The following DEPTOR variants were observed in gnomAD, a reference collection of about 807,000 sequenced individuals.
DEPTOR encodes the protein DEP domain containing MTOR interacting protein, also known as DEP domain-containing mTOR-interacting protein.
In DEPTOR, 41 loss-of-function variants were observed where a neutral mutation model predicts 41.6. The observed-to-expected ratio is 0.98, with a 90% CI of 0.77 to 1.28. DEPTOR has a LOEUF of 1.28. DEPTOR is among the 50% of genes most tolerant of loss of function. The pLI, the probability that DEPTOR is intolerant of heterozygous loss-of-function variation, is 0.00. For synonymous variants in DEPTOR, 195 were observed against 192.3 expected (o/e 1.01, Z -0.12); for missense variants, 514 against 527.9 (o/e 0.97, Z 0.26).
chr8:119,959,773 C>T (rs1049190540), intron 3 of DEPTOR, among the ~76,000 whole-genome samples: 3 of 152,142 alleles, frequency 2.0e-5, no homozygotes, highest in East Asian at 3.9e-4. Flanking sequence ...TCAAGTAATC[C>T]ACCCTCCTTG....
intron 4 of DEPTOR, among the ~76,000 whole-genome samples, chr8:119,988,695 C>T (rs1050816499): frequency 6.6e-6 from 1 of 152,108 alleles, no homozygotes; most frequent in Non-Finnish European, 1.5e-5. Context: ...TTTGGACAGG[C>T]TGATCTTGAA....
chr8:120,012,623 A>G (rs1812546590), intron 8 of DEPTOR, among the ~76,000 whole-genome samples: 2 of 151,936 alleles, frequency 1.3e-5, no homozygotes, highest in East Asian at 1.9e-4. Context: ...TGCAACCTCC[A>G]CTTCCCAGGT....
chr8:119,918,934 A>AGAGTGTGTGT (rs1827853735), intron 1 of DEPTOR, among the ~76,000 whole-genome samples: 1 of 115,198 alleles, frequency 8.7e-6, no homozygotes, highest in South Asian at 3.6e-4. Flanking sequence ...CTATTTGCAT[A>AGAGTGTGTGT]GTGAGTGTGT....
rs565832109 is a variant in DEPTOR, at chr8:119,963,743, C to T, written c.426-1489C>T. Among the ~76,000 whole-genome samples, 4 of 152,086 alleles carry T rather than the reference C, an allele frequency of 2.6e-5. No individual in the cohort carries two copies. The East Asian group carries it at 7.7e-4, about 29-fold the overall frequency. On this transcript the variant is annotated intron_variant, in intron 3 of 8. Coordinates refer to ENST00000286234, the MANE Select transcript of DEPTOR (RefSeq NM_022783.4). ...ATGCATAGGGGAACACTTATAGGCC[C>T]AGTTGGAGCTATTTTGGAGATGTGA...
chr8:119,983,354 G>A (rs753490389), intron 4 of DEPTOR, among the ~76,000 whole-genome samples: 42 of 151,862 alleles, frequency 2.8e-4, no homozygotes, highest in Non-Finnish European at 4.6e-4. Flanking sequence ...GATTACAGGT[G>A]TGTAGCACCA....
At chr8:120,030,392 G>A (rs1401812) in intron 8 of DEPTOR, among the ~76,000 whole-genome samples, 97,070 of 151,436 alleles carry the variant, frequency 0.64, 31,750 homozygotes, top group Middle Eastern at 0.75. Flanking sequence ...GGTGGGTACC[G>A]GTCATTATAC....
intron 1 of DEPTOR, among the ~76,000 whole-genome samples, chr8:119,921,218 C>T (rs532778086): frequency 6.6e-6 from 1 of 152,298 alleles, no homozygotes; most frequent in Admixed American, 6.5e-5. Context: ...CTCGGGCAAT[C>T]CACCAGCCTC....
intron 4 of DEPTOR, among the ~76,000 whole-genome samples, chr8:119,984,086 G>A (rs2130028407): frequency 6.6e-6 from 1 of 152,146 alleles, no homozygotes; most frequent in Admixed American, 6.5e-5. Flanking sequence ...CCCACTGTCT[G>A]TTCCCCGAGA....
At chr8:119,964,071 CAG>C (rs1337146046) in intron 3 of DEPTOR, among the ~76,000 whole-genome samples, 1 of 151,998 alleles carries the variant, frequency 6.6e-6, no homozygotes, top group Non-Finnish European at 1.5e-5. Flanking sequence ...GTGGCAAGAG[CAG>C]AGAGAGAGAA....
At chr8:119,973,469 C>A (rs1828658698) in intron 4 of DEPTOR, among the ~76,000 whole-genome samples, 1 of 152,182 alleles carries the variant, frequency 6.6e-6, no homozygotes, top group Admixed American at 6.6e-5. Context: ...CTTCTGGGCT[C>A]AAGCGATCCT....
At chr8:119,905,440 G>A (rs1827649788) in intron 1 of DEPTOR, among the ~76,000 whole-genome samples, 1 of 152,154 alleles carries the variant, frequency 6.6e-6, no homozygotes, top group Non-Finnish European at 1.5e-5. Flanking sequence ...TGCAGTGCAG[G>A]AAGGGAGAAG....
chr8:119,931,953 AAAAAGAT>A (rs1828049179), intron 3 of DEPTOR, among the ~76,000 whole-genome samples: 1 of 134,248 alleles, frequency 7.4e-6, no homozygotes, highest in African/African-American at 2.9e-5. Flanking sequence ...TTTTTAATTA[AAAAAGAT>A]TATTATTATT....
At chr8:119,884,404 T>C (rs918339838) in intron 1 of DEPTOR, among the ~76,000 whole-genome samples, 4 of 152,168 alleles carry the variant, frequency 2.6e-5, no homozygotes, top group African/African-American at 9.7e-5. Flanking sequence ...CTAACAAACA[T>C]TGAAATTCTG....
chr8:120,021,433 T>C (rs1257447853), intron 8 of DEPTOR, among the ~76,000 whole-genome samples: 1 of 152,210 alleles, frequency 6.6e-6, no homozygotes, highest in East Asian at 1.9e-4. Flanking sequence ...ATAAATGGAA[T>C]ATGTGTCCTA....
chr8:119,938,944 G>T (rs145412883), intron 3 of DEPTOR, among the ~76,000 whole-genome samples: 15 of 125,996 alleles, frequency 1.2e-4, no homozygotes, highest in South Asian at 2.7e-4. Context: ...GTTCCTTCTT[G>T]CTCTCTCTCT....
chr8:120,003,603 T>G (rs1812389794), intron 6 of DEPTOR, among the ~76,000 whole-genome samples: 1 of 149,846 alleles, frequency 6.7e-6, no homozygotes, highest in South Asian at 2.1e-4. Context: ...GAAACAGCAC[T>G]TCCCCAGAAT....
intron 3 of DEPTOR, among the ~76,000 whole-genome samples, chr8:119,932,405 T>C (rs773873360): frequency 7.1e-6 from 1 of 140,502 alleles, no homozygotes; most frequent in Non-Finnish European, 1.6e-5. Flanking sequence ...ATAGTTATGA[T>C]GGCAAGACAG....
intron 8 of DEPTOR, among the ~76,000 whole-genome samples, chr8:120,021,345 G>A (rs1812710846): frequency 6.6e-6 from 1 of 152,212 alleles, no homozygotes; most frequent in African/African-American, 2.4e-5. Context: ...AGAGGTTGCA[G>A]TGAGCTGAGA....
At chr8:120,005,648 A>G (rs1812425343) in intron 6 of DEPTOR, among the ~76,000 whole-genome samples, 1 of 152,116 alleles carries the variant, frequency 6.6e-6, no homozygotes, top group Non-Finnish European at 1.5e-5. Context: ...TCAAGTTCAC[A>G]ATGTCTGCAG....
Sources: allele counts gnomAD v4.1 joint callset (sites outside exome capture counted in the v4.1 genomes callset), GRCh38; gene constraint gnomAD v4.1.1; transcripts MANE v1.5; gene names NCBI Gene and HGNC (gene_info 2026-07-23, HGNC 2026-07-21).